SULF2: variants seen among roughly 807,000 people sequenced by gnomAD.
The protein encoded by SULF2 is extracellular sulfatase Sulf-2.
A neutral mutation model predicts 107.7 loss-of-function variants in SULF2; 52 were observed. That is an observed-to-expected ratio of 0.48 (90% CI 0.39 to 0.61). SULF2 has a LOEUF of 0.61. SULF2 is among the 20% of genes least tolerant of loss of function. The pLI is 0.00. For synonymous variants in SULF2, 460 were observed against 464.3 expected, an observed-to-expected ratio of 0.99 and a Z score of 0.12; for missense variants, 993 against 1,177.3, an observed-to-expected ratio of 0.84 and a Z score of 2.29.
chr20:47,672,103 T>G, intron 11 of SULF2, 95 bp downstream of exon 11: 1 of 1,338,758 alleles, frequency 7.5e-7, no homozygotes, highest in Non-Finnish European at 1.0e-6. Flanking sequence ...CCTGGCAAAG[T>G]GACAGTCTCT....
chr20:47,664,149 AGCCTCTGTGCTTGAGGCG>A lies in SULF2; in HGVS notation c.2020_2037del (p.Arg674_Gly679del). On this transcript the variant is annotated inframe_deletion, in exon 15 of 21. Coordinates refer to ENST00000688720, the MANE Select transcript of SULF2 (RefSeq NM_001387048.1). The stretch of plus-strand genomic sequence containing the variant: ...TCTTACCTGAAAGGATGCAGACTGG[AGCCTCTGTGCTTGAGGCG>A]GCCTTTGTGCTGGGTGTGGTAGCTG... 1.9e-6 allele frequency: 3 copies of A among 1,613,504 alleles called. No individual in the cohort carries two copies. Among genetic ancestry groups the A allele is most frequent in the Non-Finnish European group, 2.5e-6 (3 of 1,179,854 alleles).
At chr20:47,711,188 C>T (rs1374566035) in intron 3 of SULF2, among the ~76,000 whole-genome samples, 2 of 152,260 alleles carry the variant, frequency 1.3e-5, no homozygotes, top group Non-Finnish European at 2.9e-5. Flanking sequence ...GGCGTAGGAA[C>T]ACGCTGTTCC....
At position 47,694,853 on chromosome 20, in the gene SULF2, C is replaced by T. The variant is rs1293584465; in HGVS notation, c.568-4558G>A. ...AATGATCATAGGCTCTTCATGTTAT[C>T]AAATACCTTAGCTCAGCTGATCGTC... On this transcript the variant is annotated intron_variant, in intron 4 of 20. Coordinates refer to ENST00000688720, the MANE Select transcript of SULF2 (RefSeq NM_001387048.1). The surrounding 1 kb of genome is among the most constrained non-coding windows in gnomAD (Gnocchi z 4.4). 6.6e-6 allele frequency among the ~76,000 whole-genome samples: 1 copy of T among 152,214 alleles called. No homozygotes were observed. Among genetic ancestry groups the T allele is most frequent in the Non-Finnish European group, 1.5e-5 (1 of 68,034 alleles).
intron 4 of SULF2, among the ~76,000 whole-genome samples, chr20:47,692,402 G>A (rs1315067960): frequency 6.6e-6 from 1 of 152,142 alleles, no homozygotes; most frequent in Non-Finnish European, 1.5e-5. Flanking sequence ...CAGTATGCAT[G>A]TATATATATT....
At chr20:47,715,188 C>G (rs919767676) in intron 3 of SULF2, among the ~76,000 whole-genome samples, 1 of 150,934 alleles carries the variant, frequency 6.6e-6, no homozygotes, top group African/African-American at 2.4e-5. Flanking sequence ...ACCTTGGCCT[C>G]TCTCAGTTCT....
Position 47,661,810 on chromosome 20 carries a change from G to A in SULF2, c.2457C>T (p.Tyr819=), listed in dbSNP as rs370497163. ...TTCGAGTCCGGGGGTTACACTGCTT[G>A]TAACCCTTGCAGCTCCTCAGCTCCA... ...QLMELRSCKG[Y]KQCNPRTRNM... is the part of the protein sequence containing the mutation. The change falls in exon 18 of 21, where the codon TAC becomes TAT. Residue 819 remains tyrosine, a synonymous_variant. Transcript: ENST00000688720. 30 of 1,588,248 alleles carry A rather than the reference G, an allele frequency of 1.9e-5. No homozygotes were observed. Among genetic ancestry groups the A allele is most frequent in the African/African-American group, 2.7e-5 (2 of 74,570 alleles).
chr20:47,729,564 C>G (rs949259524), intron 3 of SULF2, among the ~76,000 whole-genome samples: 1 of 151,884 alleles, frequency 6.6e-6, no homozygotes, highest in African/African-American at 2.4e-5. Flanking sequence ...TGCTGATGAA[C>G]TGAATGTGGA....
At chr20:47,681,642 G>A (rs1280796175) in intron 7 of SULF2, among the ~76,000 whole-genome samples, 1 of 152,088 alleles carries the variant, frequency 6.6e-6, no homozygotes, top group Non-Finnish European at 1.5e-5. Flanking sequence ...TGTAAAATGG[G>A]GCTACTATGA....
At chr20:47,745,394 AAAAAAAAAAAAAAAAAAT>A (rs1227848428) in intron 2 of SULF2, among the ~76,000 whole-genome samples, 2 of 18,238 alleles carry the variant, frequency 1.1e-4, no homozygotes, top group Admixed American at 8.6e-4. Flanking sequence ...AAAAAAAAAA[AAAAAAAAAAAAAAAAAAT>A]ATATATATAT....
In SULF2 at chr20:47,702,680, G is replaced by C. The variant is rs1329197502; in HGVS notation, c.416-10C>G. 1 of 1,613,314 alleles carries C rather than the reference G, an allele frequency of 6.2e-7. No homozygotes were observed. Among genetic ancestry groups the C allele is most frequent in the African/African-American group, 1.3e-5 (1 of 74,926 alleles). ...TACTTCCCGAAGAAAGCTGCGGAGG[G>C]AGATGGATCAGGAGGCCACGTGAGA... On this transcript the variant is annotated splice_polypyrimidine_tract_variant and intron_variant, in intron 3 of 20. Coordinates refer to ENST00000688720, the MANE Select transcript of SULF2 (RefSeq NM_001387048.1).
chr20:47,767,434 C>T (rs1438890995), intron 1 of SULF2, among the ~76,000 whole-genome samples: 1 of 151,692 alleles, frequency 6.6e-6, no homozygotes, highest in Non-Finnish European at 1.5e-5. Context: ...CATTTGAGGT[C>T]CAGAGTTTGA....
chr20:47,676,419 C>A, intron 10 of SULF2, 75 bp downstream of exon 10: 1 of 1,533,222 alleles, frequency 6.5e-7, no homozygotes, highest in Non-Finnish European at 8.8e-7. Flanking sequence ...GGCTCAGCGG[C>A]TCTCAGAGCC....
chr20:47,709,289 G>C (rs1038821106), intron 3 of SULF2, among the ~76,000 whole-genome samples: 2 of 152,220 alleles, frequency 1.3e-5, no homozygotes, highest in African/African-American at 4.8e-5. Flanking sequence ...GGGAAAATTT[G>C]GCAGGCAGAT....
chr20:47,662,168 C>T (rs998650786), intron 17 of SULF2, among the ~76,000 whole-genome samples: 3 of 152,200 alleles, frequency 2.0e-5, no homozygotes, highest in Non-Finnish European at 4.4e-5. Context: ...TCTGCAGCCA[C>T]TGGTCAGGAA....
At chr20:47,723,225 C>A (rs1391211117) in intron 3 of SULF2, among the ~76,000 whole-genome samples, 1 of 148,520 alleles carries the variant, frequency 6.7e-6, no homozygotes, top group Non-Finnish European at 1.5e-5. Context: ...GCCTGGGTGG[C>A]AGAGTGACAG....
At chr20:47,767,687 A>C (rs896790213) in intron 1 of SULF2, among the ~76,000 whole-genome samples, 2 of 152,208 alleles carry the variant, frequency 1.3e-5, no homozygotes, top group Non-Finnish European at 2.9e-5. Flanking sequence ...AGGCAGGAGA[A>C]TGGCGTGAAC....
chr20:47,752,418 G>A (rs1030041949), intron 2 of SULF2, among the ~76,000 whole-genome samples: 1 of 152,192 alleles, frequency 6.6e-6, no homozygotes, highest in African/African-American at 2.4e-5. Flanking sequence ...AACTTTACTC[G>A]GAGTATTTTC....
intron 1 of SULF2, among the ~76,000 whole-genome samples, chr20:47,772,335 C>T (rs2090646147): frequency 6.6e-6 from 1 of 152,208 alleles, no homozygotes; most frequent in Non-Finnish European, 1.5e-5. Context: ...GCACCTACCC[C>T]AGTTGTGACA....
rs776969263 is a variant in SULF2, at chr20:47,666,254, A to C, written c.1805+6T>G. On this transcript the variant is annotated splice_donor_region_variant and intron_variant, in intron 12 of 20. Transcript: ENST00000688720. This position sits in a 1 kb window ranked among gnomAD's most constrained non-coding sequence, Gnocchi z 5.4. ...CTTCACCCTCGACTTCCACCTGGAC[A>C]CTCACCGATGTGTCACTTTAATGGG... 1 of 1,612,072 alleles carries C rather than the reference A, an allele frequency of 6.2e-7. No homozygotes were observed. The highest frequency in any genetic ancestry group is 1.1e-5 in the South Asian group (1 of 91,018).
Sources: gnomAD v4.1 joint callset for allele counts (sites outside exome capture counted in the v4.1 genomes callset) on GRCh38, gnomAD v4.1.1 for gene constraint, Gnocchi (gnomAD v3.1) non-coding constraint, MANE v1.5 for transcripts, NCBI Gene and HGNC (gene_info 2026-07-23, HGNC 2026-07-21) for gene names.